HAL: variants seen among roughly 807,000 people sequenced by gnomAD.
The protein encoded by HAL is histidine ammonia-lyase.
Under a neutral mutation model 81.1 loss-of-function variants are expected in HAL, and 85 were observed. The observed-to-expected ratio is 1.05, with a 90% CI of 0.88 to 1.25. HAL has a LOEUF of 1.25. HAL is among the 50% of genes most tolerant of loss of function. The pLI, the probability that HAL is intolerant of heterozygous loss-of-function variation, is 0.00. For missense variants in HAL, 798 were observed against 836.6 expected, an observed-to-expected ratio of 0.95 and a Z score of 0.57; for synonymous variants, 301 against 309.2, an observed-to-expected ratio of 0.97 and a Z score of 0.28.
chr12:95,980,260 G>T (rs1020226235), intron 17 of HAL, among the ~76,000 whole-genome samples: 3 of 152,052 alleles, frequency 2.0e-5, no homozygotes, highest in Non-Finnish European at 4.4e-5. Flanking sequence ...TTGGAAAAAA[G>T]CTATAGAGAT....
At chr12:95,985,592 A>T (rs967680026) in intron 14 of HAL, among the ~76,000 whole-genome samples, 6 of 150,268 alleles carry the variant, frequency 4.0e-5, no homozygotes, top group Non-Finnish European at 5.9e-5. Flanking sequence ...TCTGTCTCCA[A>T]ATCAAAGAGG....
chr12:95,986,712 C>A (rs763007171), intron 12 of HAL, among the ~76,000 whole-genome samples: 12 of 152,014 alleles, frequency 7.9e-5, no homozygotes, highest in Non-Finnish European at 1.3e-4. Flanking sequence ...GACAGTTTTT[C>A]TTCCCCAATT....
chr12:95,988,145 A>G (rs764898065), intron 11 of HAL, 48 bp downstream of exon 11: 1 of 890,984 alleles, frequency 1.1e-6, no homozygotes, highest in South Asian at 1.3e-5. Flanking sequence ...AATACTGCAT[A>G]AATAAAAACT....
intron 14 of HAL, among the ~76,000 whole-genome samples, chr12:95,985,147 G>T (rs1949866081): frequency 6.6e-6 from 1 of 152,148 alleles, no homozygotes; most frequent in Non-Finnish European, 1.5e-5. Context: ...CTATGCACCT[G>T]AGTTTCAAAA....
Position 95,996,059 on chromosome 12 carries a change from CA to C in HAL, c.-82+18del, listed in dbSNP as rs1950032654. On this transcript the variant is annotated intron_variant, in intron 1 of 20. Coordinates refer to ENST00000261208, the MANE Select transcript of HAL (RefSeq NM_002108.4). ...CACCTTTACTCATTCATGCATTGGACAAATATTTATTGAGGTACCTGCTGTC... is the reference window on the plus strand; with the variant it reads ...CACCTTTACTCATTCATGCATTGGACAATATTTATTGAGGTACCTGCTGTC... 2 of 794,854 alleles carry C rather than the reference CA, an allele frequency of 2.5e-6. No homozygotes were observed. Among genetic ancestry groups the C allele is most frequent in the Admixed American group, 4.1e-5 (2 of 48,242 alleles). 49.2% of individuals were successfully genotyped at this position (794,854 alleles called of 1,614,324 possible). A position where few individuals can be genotyped will look rare whatever the true frequency, so the allele number is the denominator to read the frequency against.
intron 11 of HAL, 30 bp from the exon 12 acceptor site, chr12:95,987,244 T>C (rs960918928): frequency 3.7e-6 from 6 of 1,600,140 alleles, no homozygotes; most frequent in East Asian, 4.5e-5. Context: ...AGTTTCCTAC[T>C]GTGATTATTG....
chr12:95,981,457 C>T (rs1231756590), intron 15 of HAL, among the ~76,000 whole-genome samples: 4 of 152,112 alleles, frequency 2.6e-5, no homozygotes, highest in Non-Finnish European at 5.9e-5. Flanking sequence ...AATATTATTA[C>T]TCTGAGGTAA....
At chr12:95,983,830 C>T in intron 15 of HAL, 81 bp downstream of exon 15, 1 of 799,280 alleles carries the variant, frequency 1.3e-6, no homozygotes, top group Admixed American at 1.8e-5. Flanking sequence ...TGAGAAGCTA[C>T]ACAAAATGAT....
Position 95,987,228 on chromosome 12 carries a change from G to T in HAL, c.904-14C>A. 6.2e-7 allele frequency: 1 copy of T among 1,611,446 alleles called. No individual in the cohort carries two copies. The highest frequency in any genetic ancestry group is 1.1e-5 in the South Asian group (1 of 90,994). ...GAGTGCCAGGCCCTGTCGGGGGAGA[G>T]AGCAAAGTTTCCTACTGTGATTATT... On this transcript the variant is annotated splice_polypyrimidine_tract_variant and intron_variant, in intron 11 of 20. Transcript: ENST00000261208.
chr12:95,987,908 G>A (rs1461726897), intron 11 of HAL, among the ~76,000 whole-genome samples: 2 of 147,442 alleles, frequency 1.4e-5, no homozygotes, highest in Non-Finnish European at 1.5e-5. Context: ...GGGGGGGGCG[G>A]GTAGAGATGG....
intron 9 of HAL, among the ~76,000 whole-genome samples, chr12:95,991,537 G>T (rs1197690341): frequency 6.6e-6 from 1 of 152,162 alleles, no homozygotes; most frequent in Non-Finnish European, 1.5e-5. Context: ...CAATGAACAC[G>T]TGCCATTTTC....
intron 11 of HAL, among the ~76,000 whole-genome samples, chr12:95,987,897 C>CGGG (rs60041699): frequency 4.4e-5 from 2 of 45,732 alleles, no homozygotes; most frequent in African/African-American, 1.6e-4. Flanking sequence ...TTTGGCGGGG[C>CGGG]GGGGGGGGCG....
intron 15 of HAL, 111 bp from the exon 16 acceptor site, chr12:95,980,974 G>A (rs1235726607): frequency 2.6e-6 from 2 of 770,250 alleles, no homozygotes; most frequent in South Asian, 1.4e-5. Context: ...CAAATGTGGG[G>A]TGGAGGGAAA....
rs190510018 is a variant in HAL, at chr12:95,973,856, T to C, written c.*376A>G. ...AAAAAAAAGGTTAACAAAAGTCTAATGTTTTTAGAAAAAATTGCTATCAAT... is the reference window on the plus strand; with the variant it reads ...AAAAAAAAGGTTAACAAAAGTCTAACGTTTTTAGAAAAAATTGCTATCAAT... On this transcript the variant is annotated 3_prime_UTR_variant, in exon 21 of 21. Coordinates refer to ENST00000261208, the MANE Select transcript of HAL (RefSeq NM_002108.4). The C allele has an allele frequency of 4.7e-4, 84 of 180,486 alleles. 1 individual carries two copies. Among genetic ancestry groups the C allele is most frequent in the African/African-American group, 1.8e-3 (75 of 42,110 alleles). The allele number at this position is 180,486 out of a possible 1,614,324, so 11.2% of individuals were successfully genotyped here.
intron 17 of HAL, among the ~76,000 whole-genome samples, 178 bp from the exon 18 acceptor site, chr12:95,978,256 T>TC (rs397821324): frequency 2.5e-4 from 38 of 151,150 alleles, no homozygotes; most frequent in African/African-American, 7.8e-4. Context: ...TCATTTTTTT[T>TC]CCCCAAGTGA....
At chr12:95,993,391 T>C (rs1213672588) in intron 8 of HAL, 60 bp downstream of exon 8, 2 of 1,027,176 alleles carry the variant, frequency 1.9e-6, no homozygotes, top group East Asian at 2.4e-5. Flanking sequence ...ACTCACACTG[T>C]GCTGTGCTTT....
chr12:95,995,839 C>T lies in HAL; in HGVS notation c.72G>A (p.Val24=). The part of the protein sequence containing the change: ...AVPCQDAQLT[V]GWLGREAVRR... ...TCACGGCCTCCCGGCCCAGCCAGCC[C>T]ACAGTGAGCTGCGCGTCCTGGCAGG... Residue 24 remains valine (V), a synonymous_variant, in exon 2 of 21, where the codon GTG becomes GTA. Coordinates refer to ENST00000261208, the MANE Select transcript of HAL (RefSeq NM_002108.4). The T allele has an allele frequency of 6.2e-7, 1 of 1,611,440 alleles. No individual in the cohort carries two copies. Among genetic ancestry groups the T allele is most frequent in the Non-Finnish European group, 8.5e-7 (1 of 1,180,006 alleles).
At chr12:95,990,150 G>C in intron 10 of HAL, 1 of 557,064 alleles carries the variant, frequency 1.8e-6, no homozygotes, top group Non-Finnish European at 3.3e-6. Flanking sequence ...GGGATTAACA[G>C]TAGCAGTTAT....
intron 18 of HAL, 28 bp from the exon 19 acceptor site, chr12:95,976,734 C>T (rs1174554647): frequency 7.1e-7 from 1 of 1,412,460 alleles, no homozygotes; most frequent in African/African-American, 1.4e-5. Flanking sequence ...AAGAGGGTAG[C>T]TTATGAAAGT....
Sources: gnomAD v4.1 joint callset for allele counts (sites outside exome capture counted in the v4.1 genomes callset) on GRCh38, gnomAD v4.1.1 for gene constraint, MANE v1.5 for transcripts, NCBI Gene and HGNC (gene_info 2026-07-23, HGNC 2026-07-21) for gene names.